Variants in EEA1 observed in about 807,000 individuals in gnomAD.
EEA1 encodes early endosome antigen 1, also known as early endosome antigen 1, 162kD.
Under a neutral mutation model 209.2 loss-of-function variants are expected in EEA1, and 111 were observed. The ratio of observed to expected loss-of-function variants is 0.53; its 90% CI spans 0.45 to 0.62. EEA1 has a LOEUF of 0.62. EEA1 is among the 20% of genes least tolerant of loss of function. The pLI is 0.00. For missense variants in EEA1, 1,343 were observed against 1,530.8 expected, an observed-to-expected ratio of 0.88 and a Z score of 2.05; for synonymous variants, 536 against 540.6, an observed-to-expected ratio of 0.99 and a Z score of 0.12.
chr12:92,900,999 C>G (rs1422003704), intron 1 of EEA1, among the ~76,000 whole-genome samples: 1 of 151,986 alleles, frequency 6.6e-6, no homozygotes, highest in African/African-American at 2.4e-5. Context: ...AAGAACCGTT[C>G]TATAAAACTA....
chr12:92,911,404 A>T (rs1258305325), intron 1 of EEA1, among the ~76,000 whole-genome samples: 1 of 152,266 alleles, frequency 6.6e-6, no homozygotes, highest in Non-Finnish European at 1.5e-5. Context: ...TACATACTGT[A>T]AGATTCCAAT....
rs375237304 is a variant in EEA1, at chr12:92,826,188, G to A, written c.1502C>T (p.Thr501Met). The A allele has an allele frequency of 1.7e-5, 27 of 1,613,064 alleles. No homozygotes were observed. The highest frequency in any genetic ancestry group is 6.7e-5 in the African/African-American group (5 of 74,894). ...TACCTGAGCTTCTCGAAGTTTTGCC[G>A]TGGTGCTTTGCTGAAGAGCCTGTTG... ...QEQQALQQST[T>M]AKLREAQNDL... Residue 501 changes from threonine (T) to methionine (M), a missense_variant, in exon 13 of 29, where the codon ACG becomes ATG. Thr to Met is a moderately conservative substitution (Grantham distance 81). Around this residue, in one of 3 missense-constraint regions of EEA1, gnomAD observed 1,307 missense variants for 1,465.5 expected, o/e 0.89. Transcript: ENST00000322349.
At chr12:92,828,346 G>A (rs1211557480) in intron 11 of EEA1, among the ~76,000 whole-genome samples, 2 of 151,982 alleles carry the variant, frequency 1.3e-5, no homozygotes, top group East Asian at 1.9e-4. Context: ...TTGGATATAA[G>A]TGTTGGAACT....
chr12:92,800,267 A>T (rs1874848019), intron 20 of EEA1, among the ~76,000 whole-genome samples: 1 of 152,094 alleles, frequency 6.6e-6, no homozygotes. Context: ...TCATTTAGAG[A>T]TCTGGGGCAT....
intron 1 of EEA1, among the ~76,000 whole-genome samples, chr12:92,923,233 A>C (rs1420297208): frequency 1.3e-5 from 2 of 151,946 alleles, no homozygotes; most frequent in Non-Finnish European, 2.9e-5. Flanking sequence ...CTGTAGTCCC[A>C]GCTACTCGGG....
chr12:92,897,068 C>A (rs1254542203), intron 1 of EEA1, among the ~76,000 whole-genome samples: 1 of 152,030 alleles, frequency 6.6e-6, no homozygotes, highest in African/African-American at 2.4e-5. Context: ...TCCCAGCTAC[C>A]AGTGAGGCAG....
At chr12:92,835,215 G>A (rs530708428) in intron 10 of EEA1, among the ~76,000 whole-genome samples, 2 of 152,012 alleles carry the variant, frequency 1.3e-5, no homozygotes, top group East Asian at 3.9e-4. Context: ...AGAATTCTAA[G>A]TTACTGAATT....
chr12:92,891,548 A>G, intron 2 of EEA1, 81 bp downstream of exon 2: 1 of 1,102,978 alleles, frequency 9.1e-7, no homozygotes, highest in Non-Finnish European at 1.3e-6. Context: ...CTTTTCCTAT[A>G]CAAATCACCA....
Position 92,837,124 on chromosome 12 carries a change from T to TA in EEA1, c.916-4275dup, listed in dbSNP as rs10590679. Among the ~76,000 whole-genome samples, 817 of 142,672 alleles carry TA rather than the reference T, an allele frequency of 5.7e-3. 7 individuals carry two copies. The highest frequency in any genetic ancestry group is 0.02 in the African/African-American group (761 of 38,668). The allele number at this position is 142,672 out of a possible 152,430, so 93.6% of individuals were successfully genotyped here. ...TGAAAAAGTGAGACTCTGTCTCATT[T>TA]AAAAAAAAAAAAAAAAAACCAACAA... On this transcript the variant is annotated intron_variant, in intron 10 of 28. Coordinates refer to ENST00000322349, the MANE Select transcript of EEA1 (RefSeq NM_003566.4).
At chr12:92,842,802 A>G (rs1001886861) in intron 9 of EEA1, among the ~76,000 whole-genome samples, 19 of 152,212 alleles carry the variant, frequency 1.2e-4, no homozygotes, top group Non-Finnish European at 1.3e-4. Flanking sequence ...ATTTAGTAAT[A>G]CATAAAATGA....
At position 92,929,028 on chromosome 12, in the gene EEA1, G is replaced by A. The variant is rs1330134505; in HGVS notation, c.24+15C>T. On this transcript the variant is annotated intron_variant, in intron 1 of 28. Transcript: ENST00000322349. ...CCGCTCACGTGCTGCCAGAAAGACG[G>A]TTTCACTCTCTTACCCTCTGTAAAA... 4 of 1,590,132 alleles carry A rather than the reference G, an allele frequency of 2.5e-6. No homozygotes were observed. Among genetic ancestry groups the A allele is most frequent in the South Asian group, 2.3e-5 (2 of 88,108 alleles).
chr12:92,814,180 A>C (rs540249435), intron 15 of EEA1, among the ~76,000 whole-genome samples: 232 of 152,318 alleles, frequency 1.5e-3, no homozygotes, highest in African/African-American at 5.2e-3. Flanking sequence ...CATTGTATGG[A>C]TAATTACAAG....
Position 92,842,525 on chromosome 12 carries a change from T to C in EEA1, c.855A>G (p.Val285=), listed in dbSNP as rs770308350. ...TCAGTTTTTGTAGTTCCTGTACATATACAGCAACTTCCTGGGGGCCTTTGG... is the reference window on the plus strand; with the variant it reads ...TCAGTTTTTGTAGTTCCTGTACATACACAGCAACTTCCTGGGGGCCTTTGG... ...ELAKGPQEVA[V]YVQELQKLKS... The change falls in exon 10 of 29, where the codon GTA becomes GTG. Residue 285 remains valine, a synonymous_variant. Transcript: ENST00000322349. The C allele has an allele frequency of 2.5e-6, 4 of 1,609,408 alleles. No homozygotes were observed. In the Middle Eastern group the frequency reaches 5.0e-4, roughly 201 times the overall value.
chr12:92,802,815 A>G (rs528376396), intron 18 of EEA1, 81 bp from the exon 19 acceptor site: 194 of 1,160,170 alleles, frequency 1.7e-4, no homozygotes, highest in Non-Finnish European at 2.2e-4. Context: ...ATCACAAACA[A>G]TTACTGAGTT....
intron 21 of EEA1, among the ~76,000 whole-genome samples, chr12:92,792,076 G>A (rs1471900799): frequency 6.6e-6 from 1 of 152,140 alleles, no homozygotes; most frequent in East Asian, 1.9e-4. Flanking sequence ...TGAAACCAAT[G>A]AGAACAAAGA....
intron 1 of EEA1, among the ~76,000 whole-genome samples, chr12:92,922,020 C>A (rs1337421702): frequency 6.6e-6 from 1 of 151,844 alleles, no homozygotes; most frequent in Non-Finnish European, 1.5e-5. Context: ...CATTCATTTC[C>A]CCCTGTGACT....
Position 92,929,218 on chromosome 12 carries a change from C to A in EEA1, c.-152G>T. Reference sequence around the variant, plus strand: ...CGGTGGCGACGGCCGCTCGGGCGGCCCCGACTTCCCCACAGGCGGCGAGAG... The same window carrying A: ...CGGTGGCGACGGCCGCTCGGGCGGCACCGACTTCCCCACAGGCGGCGAGAG... On this transcript the variant is annotated 5_prime_UTR_variant, in exon 1 of 29. Transcript: ENST00000322349. 1.5e-6 allele frequency: 1 copy of A among 661,612 alleles called. No individual in the cohort carries two copies. The highest frequency in any genetic ancestry group is 2.4e-6 in the Non-Finnish European group (1 of 415,006). The allele number at this position is 661,612 out of a possible 1,614,324, so 41.0% of individuals were successfully genotyped here.
At chr12:92,877,134 C>CTT (rs111935498) in intron 2 of EEA1, among the ~76,000 whole-genome samples, 32 of 129,740 alleles carry the variant, frequency 2.5e-4, no homozygotes, top group African/African-American at 6.1e-4. Context: ...TTTCTTTTTT[C>CTT]TTTTTTTTTT....
chr12:92,886,658 G>A (rs540211497), intron 2 of EEA1, among the ~76,000 whole-genome samples: 13 of 135,474 alleles, frequency 9.6e-5, no homozygotes, highest in Middle Eastern at 3.8e-3. Flanking sequence ...GGGAGAAGGG[G>A]GAAAGGGAGG....
Sources: allele counts gnomAD v4.1 joint callset (sites outside exome capture counted in the v4.1 genomes callset), GRCh38; gene constraint gnomAD v4.1.1; regional missense constraint gnomAD v4.1.1; transcripts MANE v1.5; gene names NCBI Gene and HGNC (gene_info 2026-07-23, HGNC 2026-07-21).